Variants in PHACTR3 observed in about 807,000 individuals in gnomAD.
PHACTR3 encodes phosphatase and actin regulator 3.
Under a neutral mutation model 66.8 loss-of-function variants are expected in PHACTR3, and 16 were observed. The observed-to-expected ratio is 0.24, with a 90% CI of 0.16 to 0.36. The LOEUF is 0.36. Among genes scored for constraint, PHACTR3 ranks in the 10% least tolerant of loss-of-function variants. PHACTR3 has a pLI of 1.00. For missense variants in PHACTR3, 647 were observed against 719.9 expected (o/e 0.90, Z 1.16); for synonymous variants, 323 against 292.1 (o/e 1.11, Z -1.08).
intron 1 of PHACTR3, among the ~76,000 whole-genome samples, chr20:59,635,101 C>T (rs186094914): frequency 3.2e-3 from 300 of 92,996 alleles, no homozygotes; most frequent in African/African-American, 4.6e-3. Context: ...TTCTTTCTCT[C>T]TCTTTCTTTC....
chr20:59,639,490 C>G (rs1165273984), intron 1 of PHACTR3, among the ~76,000 whole-genome samples: 1 of 152,182 alleles, frequency 6.6e-6, no homozygotes, highest in Non-Finnish European at 1.5e-5. Flanking sequence ...GCCAACTTGA[C>G]TCTCTCATCT....
intron 2 of PHACTR3, among the ~76,000 whole-genome samples, chr20:59,743,603 G>A (rs1249359756): frequency 1.3e-5 from 2 of 152,200 alleles, no homozygotes; most frequent in African/African-American, 4.8e-5. Context: ...CACTGGCTTT[G>A]GAGCAAGGTC....
intron 1 of PHACTR3, among the ~76,000 whole-genome samples, chr20:59,587,738 A>AGCTGGGGCTGGAGCCGGG (rs1367231404): frequency 2.0e-5 from 3 of 149,946 alleles, no homozygotes; most frequent in East Asian, 1.9e-4. Context: ...TGTCAGCTGG[A>AGCTGGGGCTGGAGCCGGG]GCTGGGGCTG....
At position 59,604,652 on chromosome 20, in the gene PHACTR3, T is replaced by A. The variant is rs1417101417; in HGVS notation, c.-363T>A. The stretch of plus-strand genomic sequence containing the variant: ...CCAGACATTCCAGGACATCACCCCC[T>A]GCCCCAAGCACGCAATAAACACTGA... On this transcript the variant is annotated 5_prime_UTR_variant, in exon 1 of 13. Coordinates refer to ENST00000371015, the MANE Select transcript of PHACTR3 (RefSeq NM_080672.5). 12 of 990,324 alleles carry A rather than the reference T, an allele frequency of 1.2e-5. No homozygotes were observed. The highest frequency in any genetic ancestry group is 1.3e-5 in the Non-Finnish European group (11 of 833,378). 61.3% of individuals were successfully genotyped at this position (990,324 alleles called of 1,614,324 possible). A position where few individuals can be genotyped will look rare whatever the true frequency, so the allele number is the denominator to read the frequency against.
Position 59,767,351 on chromosome 20 carries a change from C to A in PHACTR3, c.707C>A (p.Thr236Asn). Residue 236 changes from threonine to asparagine, a missense_variant, in exon 5 of 13, where the codon ACT becomes AAT. Around this residue, in one of 2 missense-constraint regions of PHACTR3, gnomAD observed 577 missense variants for 571.1 expected, o/e 1.01. Coordinates refer to ENST00000371015, the MANE Select transcript of PHACTR3 (RefSeq NM_080672.5). ...GQLPSPPLLPTPPPKASSKTT... is the reference protein window; with the variant it reads ...GQLPSPPLLPNPPPKASSKTT... ...CTCCCCAGCCCCCCACTGCTGCCCA[C>A]TCCGCCACCCAAGGCAAGCTCCAAA... 6.2e-7 allele frequency: 1 copy of A among 1,614,142 alleles called. No individual in the cohort carries two copies. Among genetic ancestry groups the A allele is most frequent in the Non-Finnish European group, 8.5e-7 (1 of 1,180,038 alleles).
rs529451644 is a variant in PHACTR3, at chr20:59,674,186, A to G, written c.119-68921A>G. Reference sequence around the variant, plus strand: ...ATTAGCAAGGGCAAGACGTCTTCTAACAGGTGGAAACAACTTGTCAAGACA... The same window carrying G: ...ATTAGCAAGGGCAAGACGTCTTCTAGCAGGTGGAAACAACTTGTCAAGACA... On this transcript the variant is annotated intron_variant, in intron 1 of 12. Coordinates refer to ENST00000371015, the MANE Select transcript of PHACTR3 (RefSeq NM_080672.5). Among the ~76,000 whole-genome samples the G allele has an allele frequency of 6.5e-4, 94 of 144,058 alleles. 8 individuals carry two copies. In the South Asian group the frequency reaches 0.021, roughly 32 times the overall value. The allele number at this position is 144,058 out of a possible 152,430, so 94.5% of individuals were successfully genotyped here. A position where few individuals can be genotyped will look rare whatever the true frequency, so the allele number is the denominator to read the frequency against.
chr20:59,749,175 C>T (rs76939008), intron 3 of PHACTR3, among the ~76,000 whole-genome samples: 8,190 of 152,126 alleles, frequency 0.054, 338 homozygotes, highest in African/African-American at 0.12. Flanking sequence ...AGGATTTTCA[C>T]TGGGATGGGA....
In PHACTR3 at chr20:59,620,019, G is replaced by T. The variant is rs567437729; in HGVS notation, c.118+14887G>T. 9.2e-5 allele frequency among the ~76,000 whole-genome samples: 14 copies of T among 152,232 alleles called. No individual in the cohort carries two copies. The South Asian group carries it at 2.9e-3, about 32-fold the overall frequency. On this transcript the variant is annotated intron_variant, in intron 1 of 12. Coordinates refer to ENST00000371015, the MANE Select transcript of PHACTR3 (RefSeq NM_080672.5). Reference sequence around the variant, plus strand: ...TTTCACCCTCCCTGTTGGCACACAGGACCTGGAGGGGTGCCCCTCCGAGGC... The same window carrying T: ...TTTCACCCTCCCTGTTGGCACACAGTACCTGGAGGGGTGCCCCTCCGAGGC...
At chr20:59,671,322 G>A (rs545690258) in intron 1 of PHACTR3, among the ~76,000 whole-genome samples, 1 of 152,306 alleles carries the variant, frequency 6.6e-6, no homozygotes, top group Admixed American at 6.5e-5. Context: ...TGCCGGGGAA[G>A]GGCTAGAGTA....
chr20:59,693,558 G>A (rs1456698142), intron 1 of PHACTR3, among the ~76,000 whole-genome samples: 1 of 152,194 alleles, frequency 6.6e-6, no homozygotes, highest in African/African-American at 2.4e-5. Flanking sequence ...GGAGGCACCA[G>A]CCCTGTCTGT....
chr20:59,805,563 T>C (rs2041540856), intron 7 of PHACTR3, among the ~76,000 whole-genome samples: 1 of 152,016 alleles, frequency 6.6e-6, no homozygotes, highest in African/African-American at 2.4e-5. Flanking sequence ...AGGAAGGAGA[T>C]GACATGGAGA....
intron 5 of PHACTR3, among the ~76,000 whole-genome samples, chr20:59,771,374 C>T (rs1422322700): frequency 1.3e-5 from 2 of 152,098 alleles, no homozygotes; most frequent in African/African-American, 4.8e-5. Flanking sequence ...GAGAGGACAG[C>T]GCAGTGTGCA....
intron 3 of PHACTR3, among the ~76,000 whole-genome samples, chr20:59,750,472 C>A (rs1439941226): frequency 1.3e-5 from 2 of 152,168 alleles, no homozygotes; most frequent in Non-Finnish European, 2.9e-5. Context: ...GAGTGACTTC[C>A]AGCCCACAGG....
intron 1 of PHACTR3, among the ~76,000 whole-genome samples, chr20:59,638,077 C>T (rs893161118): frequency 1.2e-4 from 19 of 152,206 alleles, no homozygotes; most frequent in Non-Finnish European, 1.9e-4. Flanking sequence ...CCAGTGCATA[C>T]TATTAAATGC....
chr20:59,720,619 A>T (rs1410499692), intron 1 of PHACTR3, among the ~76,000 whole-genome samples: 1 of 152,346 alleles, frequency 6.6e-6, no homozygotes, highest in East Asian at 1.9e-4. Context: ...CCGAAGGTGC[A>T]CACAATCCCC....
At chr20:59,642,372 A>G (rs1032539878) in intron 1 of PHACTR3, among the ~76,000 whole-genome samples, 1 of 151,962 alleles carries the variant, frequency 6.6e-6, no homozygotes, top group Non-Finnish European at 1.5e-5. Flanking sequence ...TTCAGAATAC[A>G]TAGGAGATTA....
intron 1 of PHACTR3, 39 bp downstream of exon 1, chr20:59,605,171 G>T: frequency 8.0e-7 from 1 of 1,251,882 alleles, no homozygotes. Flanking sequence ...GGTCGGGGAG[G>T]CCCGAGGCAG....
intron 5 of PHACTR3, among the ~76,000 whole-genome samples, chr20:59,772,159 GA>G (rs544608298): frequency 4.1e-4 from 62 of 152,346 alleles, no homozygotes; most frequent in Admixed American, 2.6e-3. Flanking sequence ...CAAATCTGCA[GA>G]AGACAAAGCC....
At chr20:59,806,790 G>A (rs925877291) in intron 8 of PHACTR3, among the ~76,000 whole-genome samples, 25 of 152,172 alleles carry the variant, frequency 1.6e-4, no homozygotes, top group Admixed American at 7.2e-4. Context: ...CAGAGGGCGC[G>A]GTCTGCAGCA....
Sources: allele counts gnomAD v4.1 joint callset (sites outside exome capture counted in the v4.1 genomes callset), GRCh38; gene constraint gnomAD v4.1.1; regional missense constraint gnomAD v4.1.1; transcripts MANE v1.5; gene names NCBI Gene and HGNC (gene_info 2026-07-23, HGNC 2026-07-21).